Variants in SMAD2 observed in about 807,000 individuals in gnomAD.
SMAD2 encodes the protein MAD homolog 2.
In SMAD2, 8 loss-of-function variants were observed where a neutral mutation model predicts 64.4. The ratio of observed to expected loss-of-function variants is 0.12; its 90% confidence interval spans 0.07 to 0.22. The LOEUF is 0.22. Ranked by LOEUF, SMAD2 falls within the 10% of genes least tolerant of loss-of-function variation. The pLI is 1.00. For missense variants in SMAD2, 289 were observed against 561.2 expected (o/e 0.51, Z 4.90); for synonymous variants, 203 against 195.8 (o/e 1.04, Z -0.31).
chr18:47,870,603 T>C (rs2031872076), intron 2 of SMAD2, 39 bp from the exon 3 acceptor site: 1 of 1,233,110 alleles, frequency 8.1e-7, no homozygotes, highest in Non-Finnish European at 1.2e-6. Context: ...GATGTGAACA[T>C]GGAAGCATGG....
intron 1 of SMAD2, among the ~76,000 whole-genome samples, chr18:47,915,636 TAA>T (rs148965391): frequency 2.0e-5 from 3 of 152,164 alleles, no homozygotes; most frequent in East Asian, 1.9e-4. Context: ...CACACTTTGC[TAA>T]AAAAGACATT....
At chr18:47,921,068 A>G (rs1333962418) in intron 1 of SMAD2, among the ~76,000 whole-genome samples, 1 of 152,174 alleles carries the variant, frequency 6.6e-6, no homozygotes, top group East Asian at 1.9e-4. Context: ...GAGGTGGGAG[A>G]TTAACTTGAC....
intron 1 of SMAD2, among the ~76,000 whole-genome samples, chr18:47,917,078 T>C (rs762643569): frequency 2.0e-5 from 3 of 152,218 alleles, no homozygotes; most frequent in Non-Finnish European, 4.4e-5. Flanking sequence ...TGGAGTGCAG[T>C]GGTATGATCT....
At chr18:47,919,146 T>C (rs547059868) in intron 1 of SMAD2, among the ~76,000 whole-genome samples, 4 of 152,212 alleles carry the variant, frequency 2.6e-5, no homozygotes, top group East Asian at 1.9e-4. Flanking sequence ...GTCAACAGTA[T>C]ACTGTAAACA....
chr18:47,919,008 T>C (rs1200703501), intron 1 of SMAD2, among the ~76,000 whole-genome samples: 1 of 151,360 alleles, frequency 6.6e-6, no homozygotes, highest in African/African-American at 2.4e-5. Flanking sequence ...GTAAAACAGA[T>C]GAAAACAAAC....
intron 1 of SMAD2, chr18:47,919,925 C>T (rs1402974223): frequency 6.6e-6 from 1 of 152,180 alleles, no homozygotes; most frequent in Non-Finnish European, 1.5e-5. Context: ...TGCTATCCAA[C>T]AGAAACAGGA....
At chr18:47,886,552 ACTATAT>A (rs1420801992) in intron 2 of SMAD2, among the ~76,000 whole-genome samples, 18 of 147,850 alleles carry the variant, frequency 1.2e-4, no homozygotes, top group East Asian at 5.9e-4. Context: ...TTTCAGAGAA[ACTATAT>A]CTATATCTAT....
chr18:47,846,782 G>A (rs769639268), intron 8 of SMAD2, among the ~76,000 whole-genome samples: 5 of 152,050 alleles, frequency 3.3e-5, no homozygotes, highest in East Asian at 3.9e-4. Flanking sequence ...TGAAAAGACC[G>A]CCTAACCCAT....
chr18:47,927,959 G>A (rs1375033351), intron 1 of SMAD2, among the ~76,000 whole-genome samples: 1 of 152,168 alleles, frequency 6.6e-6, no homozygotes, highest in Non-Finnish European at 1.5e-5. Context: ...TTAACTGGTT[G>A]TGAATTCCTT....
chr18:47,831,306 T>G lies in SMAD2; in HGVS notation c.*10521A>C, dbSNP rs1194160324. 6 of 152,386 alleles carry G rather than the reference T, an allele frequency of 3.9e-5. No individual in the cohort carries two copies. The highest frequency in any genetic ancestry group is 3.4e-3 in the Middle Eastern group (1 of 294). The allele number at this position is 152,386 out of a possible 1,614,324, so 9.4% of individuals were successfully genotyped here. ...TGAGAGTTCTGTTCCAAGATCTCAT[T>G]TTGACCTTCTTCAAAGGTCTTCTCC... On this transcript the variant is annotated 3_prime_UTR_variant, in exon 11 of 11. Coordinates refer to ENST00000262160, the MANE Select transcript of SMAD2 (RefSeq NM_005901.6).
Position 47,813,711 on chromosome 18 carries a change from AT to A in SMAD2, c.*28115del, listed in dbSNP as rs11349317. On this transcript the variant is annotated 3_prime_UTR_variant, in exon 11 of 11. Transcript: ENST00000262160. ...ATGAGCCACTGTACCCGGCCCCACA[AT>A]TTTTTTTTTTTTTTTTTTTTGGAGA... 0.45 allele frequency: 38,503 copies of A among 84,880 alleles called. 7,421 individuals are homozygous for A. The highest frequency in any genetic ancestry group is 0.65 in the Middle Eastern group (71 of 110). The allele number at this position is 84,880 out of a possible 1,614,324, so 5.3% of individuals were successfully genotyped here.
rs1185973161 is a variant in SMAD2 at position 47,830,022 on chromosome 18, T to A, written c.*11805A>T. On this transcript the variant is annotated 3_prime_UTR_variant, in exon 11 of 11. Coordinates refer to ENST00000262160, the MANE Select transcript of SMAD2 (RefSeq NM_005901.6). ...AAGCATAGCAAGAATCCACAGTGGT[T>A]TGCAGGCCACTAATTCTTTTACAGA... 2 of 152,218 alleles carry A rather than the reference T, an allele frequency of 1.3e-5. No individual in the cohort carries two copies. The highest frequency in any genetic ancestry group is 2.9e-5 in the Non-Finnish European group (2 of 68,034). The allele number at this position is 152,218 out of a possible 1,614,324, so 9.4% of individuals were successfully genotyped here. A position where few individuals can be genotyped will look rare whatever the true frequency, so the allele number is the denominator to read the frequency against.
At chr18:47,846,282 T>C (rs1914481186) in intron 8 of SMAD2, among the ~76,000 whole-genome samples, 1 of 152,100 alleles carries the variant, frequency 6.6e-6, no homozygotes, top group Non-Finnish European at 1.5e-5. Flanking sequence ...TGTATAAGCA[T>C]GATTAGGTGA....
chr18:47,880,365 G>C (rs887759580), intron 2 of SMAD2, among the ~76,000 whole-genome samples: 1 of 152,168 alleles, frequency 6.6e-6, no homozygotes, highest in African/African-American at 2.4e-5. Flanking sequence ...ATATTCAGCT[G>C]TTCCAGCACC....
In SMAD2 at chr18:47,828,935, T is replaced by TAAAAAAAAAAAA. The variant is rs747216495; in HGVS notation, c.*12880_*12891dup. 3.1e-5 allele frequency: 1 copy of TAAAAAAAAAAAA among 32,486 alleles called. No individual in the cohort carries two copies. The allele number at this position is 32,486 out of a possible 1,614,324, so 2.0% of individuals were successfully genotyped here. A position where few individuals can be genotyped will look rare whatever the true frequency, so the allele number is the denominator to read the frequency against. On this transcript the variant is annotated 3_prime_UTR_variant, in exon 11 of 11. Coordinates refer to ENST00000262160, the MANE Select transcript of SMAD2 (RefSeq NM_005901.6). ...ACACCCAAGAATGATCAATAAATAC[T>TAAAAAAAAAAAA]AAAAAAAAAAAAAAAAAAAAAAAAA...
rs557512281 is a variant in SMAD2 at position 47,818,211 on chromosome 18, C to G, written c.*23616G>C. ...GTGTTGAGATGAAACTCACTCCTTACGGCATTCCAGCCAAGAACAAAAAGA... is the reference window on the plus strand; with the variant it reads ...GTGTTGAGATGAAACTCACTCCTTAGGGCATTCCAGCCAAGAACAAAAAGA... On this transcript the variant is annotated 3_prime_UTR_variant, in exon 11 of 11. Coordinates refer to ENST00000262160, the MANE Select transcript of SMAD2 (RefSeq NM_005901.6). 6.6e-6 allele frequency: 1 copy of G among 151,860 alleles called. No homozygotes were observed. Among genetic ancestry groups the G allele is most frequent in the African/African-American group, 2.4e-5 (1 of 41,312 alleles). 9.4% of individuals were successfully genotyped at this position (151,860 alleles called of 1,614,324 possible). A position where few individuals can be genotyped will look rare whatever the true frequency, so the allele number is the denominator to read the frequency against.
rs947014876 is a variant in SMAD2, at chr18:47,823,891, A to C, written c.*17936T>G. 6 of 152,202 alleles carry C rather than the reference A, an allele frequency of 3.9e-5. No homozygotes were observed. The highest frequency in any genetic ancestry group is 1.4e-4 in the African/African-American group (6 of 41,448). 9.4% of individuals were successfully genotyped at this position (152,202 alleles called of 1,614,324 possible). A position where few individuals can be genotyped will look rare whatever the true frequency, so the allele number is the denominator to read the frequency against. On this transcript the variant is annotated 3_prime_UTR_variant, in exon 11 of 11. Coordinates refer to ENST00000262160, the MANE Select transcript of SMAD2 (RefSeq NM_005901.6). ...AAAGAAGTACAATTCCTAACAGAATAATGCTAGCCCAGCACTTTGAGGGGA... is the reference window on the plus strand; with the variant it reads ...AAAGAAGTACAATTCCTAACAGAATCATGCTAGCCCAGCACTTTGAGGGGA...
At chr18:47,849,085 G>A (rs1300963663) in intron 7 of SMAD2, among the ~76,000 whole-genome samples, 1 of 152,110 alleles carries the variant, frequency 6.6e-6, no homozygotes, top group Non-Finnish European at 1.5e-5. Context: ...TAAAGCCAGA[G>A]CAAAGATTAA....
intron 6 of SMAD2, among the ~76,000 whole-genome samples, chr18:47,854,887 C>T (rs934819133): frequency 1.3e-5 from 2 of 152,152 alleles, no homozygotes; most frequent in Non-Finnish European, 2.9e-5. Context: ...CCATAATTTA[C>T]ATTAGGGCTA....
Sources: gnomAD v4.1 joint callset for allele counts (sites outside exome capture counted in the v4.1 genomes callset) on GRCh38, gnomAD v4.1.1 for gene constraint, MANE v1.5 for transcripts, NCBI Gene and HGNC (gene_info 2026-07-23, HGNC 2026-07-21) for gene names.